VEGFA: variants seen among roughly 807,000 people sequenced by gnomAD.
VEGFA encodes the protein vascular endothelial growth factor A, also known as vascular endothelial growth factor A, long form.
A neutral mutation model predicts 49.7 loss-of-function variants in VEGFA; 20 were observed. The observed-to-expected ratio is 0.40, with a 90% CI of 0.28 to 0.58. The LOEUF (loss-of-function observed/expected upper bound fraction) is 0.58. VEGFA is among the 20% of genes least tolerant of loss of function. VEGFA has a pLI of 0.40. For synonymous variants in VEGFA, 219 were observed against 223.4 expected (o/e 0.98, Z 0.18); for missense variants, 505 against 553.5 (o/e 0.91, Z 0.88).
chr6:43,777,087 C>G lies in VEGFA; in HGVS notation c.659-382C>G, dbSNP rs562830239. 2.8e-6 allele frequency: 1 copy of G among 355,430 alleles called. No homozygotes were observed. The highest frequency in any genetic ancestry group is 2.3e-5 in the South Asian group (1 of 44,014). 22.0% of individuals were successfully genotyped at this position (355,430 alleles called of 1,614,324 possible). On this transcript the variant is annotated intron_variant, in intron 2 of 7. Transcript: ENST00000672860. The surrounding 1 kb of genome is among the most constrained non-coding windows in gnomAD (Gnocchi z 4.3). ...GAAACTGGAGACTAGCTTGGCAAAG[C>G]TGGCTCTTCCTCCTTTTAGGGAAAG...
intron 5 of VEGFA, chr6:43,779,363 G>GGTTT (rs1402122317): frequency 2.9e-6 from 1 of 350,818 alleles, no homozygotes; most frequent in Non-Finnish European, 5.4e-6. Flanking sequence ...GCTGGAGGGT[G>GGTTT]GTTTCTCAGT....
In VEGFA at chr6:43,775,476, C is replaced by T. The variant is rs990243817; in HGVS notation, c.658+1084C>T. 15 of 152,322 alleles carry T rather than the reference C, an allele frequency of 9.8e-5. 1 individual carries two copies. Among genetic ancestry groups the T allele is most frequent in the Admixed American group, 9.2e-4 (14 of 15,298 alleles). The allele number at this position is 152,322 out of a possible 1,614,324, so 9.4% of individuals were successfully genotyped here. A position where few individuals can be genotyped will look rare whatever the true frequency, so the allele number is the denominator to read the frequency against. On this transcript the variant is annotated intron_variant, in intron 2 of 7. Transcript: ENST00000672860. ...CTGATGAAGGATGCGGGTGAGGTTC[C>T]CCGCCTCCACCTCCCATGGGACTTG...
At position 43,771,241 on chromosome 6, in the gene VEGFA, G is replaced by C; in HGVS notation, c.535G>C (p.Glu179Gln). The C allele has an allele frequency of 6.2e-7, 1 of 1,606,642 alleles. No individual in the cohort carries two copies. The highest frequency in any genetic ancestry group is 8.5e-7 in the Non-Finnish European group (1 of 1,177,376). Residue 179 changes from glutamate (E) to glutamine (Q), a missense_variant, in exon 1 of 8, where the codon GAA (glutamate) becomes CAA (glutamine). Coordinates refer to ENST00000672860, the MANE Select transcript of VEGFA (RefSeq NM_003376.6). ...CCGCGCCGGCCCCGGTCGGGCCTCC[G>C]AAACCATGAACTTTCTGCTGTCTTG...
At chr6:43,781,893 A>AT (rs1233917869) in intron 6 of VEGFA, 63 bp from the exon 7 acceptor site, 11 of 1,601,998 alleles carry the variant, frequency 6.9e-6, no homozygotes, top group Admixed American at 6.7e-5. Flanking sequence ...TTGCATGGTG[A>AT]TTTTTTTTCT....
Position 43,777,768 on chromosome 6 carries a change from G to A in VEGFA, c.855+103G>A. ...TTTCCTGGCTAGATTTGCCTTGTCT[G>A]GCTCCTGCCCCTGAGTTGCACAGGG... On this transcript the variant is annotated intron_variant, in intron 3 of 7. Coordinates refer to ENST00000672860, the MANE Select transcript of VEGFA (RefSeq NM_003376.6). This position sits in a 1 kb window ranked among gnomAD's most constrained non-coding sequence, Gnocchi z 4.3. The A allele has an allele frequency of 7.6e-7, 1 of 1,309,740 alleles. No homozygotes were observed. The highest frequency in any genetic ancestry group is 1.1e-6 in the Non-Finnish European group (1 of 951,248). The allele number at this position is 1,309,740 out of a possible 1,614,324, so 81.1% of individuals were successfully genotyped here.
chr6:43,779,303 A>G (rs1236189679), intron 5 of VEGFA: 2 of 415,816 alleles, frequency 4.8e-6, no homozygotes. Flanking sequence ...TGTCAGAGGA[A>G]ATGGCCTCTT....
intron 5 of VEGFA, chr6:43,779,682 T>C (rs773614553): frequency 2.1e-6 from 1 of 469,206 alleles, no homozygotes; most frequent in Non-Finnish European, 4.3e-6. Flanking sequence ...ACCCCTTGCC[T>C]CTTCCCTCAG....
At chr6:43,771,440 G>T in intron 1 of VEGFA, 128 bp downstream of exon 1, 1 of 971,028 alleles carries the variant, frequency 1.0e-6, no homozygotes, top group South Asian at 1.9e-5. Flanking sequence ...GGCGTGCGGC[G>T]TCCCCCTCTG....
rs1290870129 is a variant in VEGFA at position 43,770,706 on chromosome 6, G to C, written c.-1G>C. ...TGGGATCCCGCAGCTGACCAGTCGCGCTGACGGACAGACAGACAGACACCG... is the reference window on the plus strand; with the variant it reads ...TGGGATCCCGCAGCTGACCAGTCGCCCTGACGGACAGACAGACAGACACCG... On this transcript the variant is annotated 5_prime_UTR_variant, in exon 1 of 8. Coordinates refer to ENST00000672860, the MANE Select transcript of VEGFA (RefSeq NM_003376.6). 6.5e-7 allele frequency: 1 copy of C among 1,548,692 alleles called. No homozygotes were observed. Among genetic ancestry groups the C allele is most frequent in the African/African-American group, 1.4e-5 (1 of 70,792 alleles).
intron 4 of VEGFA, 48 bp downstream of exon 4, chr6:43,778,584 C>T (rs766569591): frequency 6.4e-7 from 1 of 1,571,694 alleles, no homozygotes; most frequent in Admixed American, 1.7e-5. Context: ...CTGCAGGGTG[C>T]CTGATCTGTG....
chr6:43,782,402 C>T, intron 7 of VEGFA: 2 of 402,012 alleles, frequency 5.0e-6, no homozygotes, highest in East Asian at 5.8e-5. Context: ...TCCTTCTGCT[C>T]ATAGTGGCTG....
chr6:43,781,610 G>A, intron 6 of VEGFA: 1 of 356,208 alleles, frequency 2.8e-6, no homozygotes, highest in South Asian at 2.3e-5. Flanking sequence ...AGCAGGTGAA[G>A]AGTCAAGGCG....
Position 43,786,440 on chromosome 6 carries a change from A to T in VEGFA, c.*1878A>T, listed in dbSNP as rs886252251. 1.0e-4 allele frequency: 15 copies of T among 144,974 alleles called. No individual in the cohort carries two copies. Among genetic ancestry groups the T allele is most frequent in the Middle Eastern group, 3.3e-3 (1 of 302 alleles). 9.0% of individuals were successfully genotyped at this position (144,974 alleles called of 1,614,324 possible). On this transcript the variant is annotated 3_prime_UTR_variant, in exon 8 of 8. Transcript: ENST00000672860. ...CGACAAAGAAATACAGATATATCTT[A>T]AAAAAAAAAAAGCATTTTGTATTAA...
rs2010963 is a variant in VEGFA, at chr6:43,770,613, C to G, written c.-94C>G. The G allele has an allele frequency of 0.68, 990,435 of 1,449,354 alleles. 339,475 individuals are homozygous for G. Among genetic ancestry groups the G allele is most frequent in the South Asian group, 0.73 (52,603 of 72,216 alleles). The allele number at this position is 1,449,354 out of a possible 1,614,324, so 89.8% of individuals were successfully genotyped here. On this transcript the variant is annotated 5_prime_UTR_variant, in exon 1 of 8. Coordinates refer to ENST00000672860, the MANE Select transcript of VEGFA (RefSeq NM_003376.6). Reference sequence around the variant, plus strand: ...CGCGCGGGCGTGCGAGCAGCGAAAGCGACAGGGGCAAAGTGAGTGACCTGC... The same window carrying G: ...CGCGCGGGCGTGCGAGCAGCGAAAGGGACAGGGGCAAAGTGAGTGACCTGC...
rs1200926349 is a variant in VEGFA, at chr6:43,777,684, T to A, written c.855+19T>A. The A allele has an allele frequency of 1.2e-6, 1 of 838,010 alleles. No homozygotes were observed. The allele number at this position is 838,010 out of a possible 1,614,324, so 51.9% of individuals were successfully genotyped here. ...CATGCAGGTGGGCATCTTTGGGAAG[T>A]GGGGCAAGGGGGGGATAGGGAGGGG... On this transcript the variant is annotated intron_variant, in intron 3 of 7. Coordinates refer to ENST00000672860, the MANE Select transcript of VEGFA (RefSeq NM_003376.6). The surrounding 1 kb of genome is among the most constrained non-coding windows in gnomAD (Gnocchi z 4.3).
intron 1 of VEGFA, chr6:43,772,068 C>G (rs887954133): frequency 5.1e-6 from 5 of 985,464 alleles, no homozygotes; most frequent in Admixed American, 6.1e-5. Context: ...ACCCCTCCCC[C>G]CGCCAGCCCT....
chr6:43,770,842 G>A lies in VEGFA; in HGVS notation c.136G>A (p.Gly46Arg), dbSNP rs1049631147. 6.9e-5 allele frequency: 105 copies of A among 1,529,770 alleles called. No homozygotes were observed. The highest frequency in any genetic ancestry group is 9.1e-5 in the Non-Finnish European group (104 of 1,139,834). The allele number at this position is 1,529,770 out of a possible 1,614,324, so 94.8% of individuals were successfully genotyped here. Reference sequence around the variant, plus strand: ...GCCCGGAGGCGGGGTGGAGGGGGTCGGGGCTCGCGGCGTCGCACTGAAACT... The same window carrying A: ...GCCCGGAGGCGGGGTGGAGGGGGTCAGGGCTCGCGGCGTCGCACTGAAACT... The change falls in exon 1 of 8, where the codon GGG (glycine) becomes AGG (arginine). Residue 46 changes from glycine (G) to arginine (R), a missense_variant. This residue lies in a region of VEGFA where 340 missense variants were observed against 321.8 expected (regional missense o/e 1.06). Coordinates refer to ENST00000672860, the MANE Select transcript of VEGFA (RefSeq NM_003376.6).
rs754074044 is a variant in VEGFA, at chr6:43,773,290, C to G, written c.607-1051C>G. On this transcript the variant is annotated intron_variant, in intron 1 of 7. Coordinates refer to ENST00000672860, the MANE Select transcript of VEGFA (RefSeq NM_003376.6). The surrounding 1 kb of genome is among the most constrained non-coding windows in gnomAD (Gnocchi z 5.6). Reference sequence around the variant, plus strand: ...TCTCCCCTAGCAGGGTCTGGTGTTCCGTAGGCTAGAGTGCCCCTCTGCTCT... The same window carrying G: ...TCTCCCCTAGCAGGGTCTGGTGTTCGGTAGGCTAGAGTGCCCCTCTGCTCT... 6.6e-6 allele frequency: 1 copy of G among 152,260 alleles called. No individual in the cohort carries two copies. Among genetic ancestry groups the G allele is most frequent in the Admixed American group, 6.5e-5 (1 of 15,286 alleles). 9.4% of individuals were successfully genotyped at this position (152,260 alleles called of 1,614,324 possible).
chr6:43,771,401 C>G, intron 1 of VEGFA, 89 bp downstream of exon 1: 1 of 1,324,490 alleles, frequency 7.6e-7, no homozygotes, highest in Non-Finnish European at 1.0e-6. Context: ...CGTGGGGGCT[C>G]CGTGCCCCAC....
Sources: allele counts gnomAD v4.1 joint callset, GRCh38; gene constraint gnomAD v4.1.1; regional missense constraint gnomAD v4.1.1; non-coding constraint Gnocchi (gnomAD v3.1); transcripts MANE v1.5; gene names NCBI Gene and HGNC (gene_info 2026-07-23, HGNC 2026-07-21).